SRPK2: variants seen among roughly 807,000 people sequenced by gnomAD.
SRPK2 encodes the protein SRSF protein kinase 2, also known as SFRS protein kinase 2.
A neutral mutation model predicts 90.8 loss-of-function variants in SRPK2; 21 were observed. The observed-to-expected ratio is 0.23, with a 90% CI of 0.16 to 0.33. SRPK2 has a LOEUF of 0.33. Among genes scored for constraint, SRPK2 ranks in the 10% least tolerant of loss-of-function variants. SRPK2 has a pLI of 1.00. For missense variants in SRPK2, 620 were observed against 869.0 expected (o/e 0.71, Z 3.60); for synonymous variants, 288 against 311.1 (o/e 0.93, Z 0.78).
intron 2 of SRPK2, among the ~76,000 whole-genome samples, chr7:105,332,158 AC>A (rs1164469167): frequency 2.0e-5 from 3 of 152,202 alleles, no homozygotes; most frequent in Non-Finnish European, 2.9e-5. Flanking sequence ...AGCTTCCCAC[AC>A]AACAAATCAT....
At chr7:105,283,581 G>A (rs936257386) in intron 2 of SRPK2, among the ~76,000 whole-genome samples, 1 of 152,008 alleles carries the variant, frequency 6.6e-6, no homozygotes, top group Non-Finnish European at 1.5e-5. Flanking sequence ...CATCAACACA[G>A]AAAGTAGATT....
chr7:105,283,837 A>C (rs76327982), intron 2 of SRPK2, among the ~76,000 whole-genome samples: 2 of 148,332 alleles, frequency 1.3e-5, no homozygotes, highest in Non-Finnish European at 3.0e-5. Flanking sequence ...CAAAAAATAC[A>C]AAAAAAAAAC....
In SRPK2 at chr7:105,169,124, G is replaced by A. The variant is rs117900723; in HGVS notation, c.338+33C>T. The A allele has an allele frequency of 2.9e-3, 4,571 of 1,579,744 alleles. 131 individuals carry two copies. In the East Asian group the frequency reaches 0.062, roughly 21 times the overall value. ...GAACACAGATGTTGAACTACTCCAG[G>A]AAACAAATGCACAAATGACAAAGAA... is the stretch of plus-strand genomic sequence containing the variant. On this transcript the variant is annotated intron_variant, in intron 4 of 15. Coordinates refer to ENST00000393651, the MANE Select transcript of SRPK2 (RefSeq NM_182692.3).
intron 8 of SRPK2, among the ~76,000 whole-genome samples, chr7:105,146,113 C>T (rs1475710357): frequency 1.3e-5 from 2 of 152,120 alleles, no homozygotes; most frequent in African/African-American, 4.8e-5. Context: ...CATAGCTATG[C>T]TAAATGGACA....
chr7:105,375,554 G>A (rs974302889), intron 2 of SRPK2, among the ~76,000 whole-genome samples: 3 of 152,082 alleles, frequency 2.0e-5, no homozygotes, highest in Admixed American at 1.3e-4. Context: ...AAATCACAGC[G>A]ATCAAGGTAA....
In SRPK2 at chr7:105,228,260, T is replaced by C. The variant is rs566841793; in HGVS notation, c.72-24475A>G. On this transcript the variant is annotated intron_variant, in intron 2 of 15. Transcript: ENST00000393651. ...AATCTCAGTATACCTGGGAAATTAA[T>C]GGGCTGTCACTAGAATAGTACAGTG... Among the ~76,000 whole-genome samples the C allele has an allele frequency of 2.6e-5, 4 of 152,328 alleles. No individual in the cohort carries two copies. The East Asian group carries it at 5.8e-4, about 22-fold the overall frequency.
chr7:105,271,429 CAGA>C (rs1160462909), intron 2 of SRPK2, among the ~76,000 whole-genome samples: 1 of 152,178 alleles, frequency 6.6e-6, no homozygotes, highest in Non-Finnish European at 1.5e-5. Context: ...TTCATCGCTC[CAGA>C]AGGACTCAGA....
At chr7:105,124,407 G>A (rs1800828790) in intron 15 of SRPK2, among the ~76,000 whole-genome samples, 3 of 151,960 alleles carry the variant, frequency 2.0e-5, no homozygotes, top group Admixed American at 6.5e-5. Context: ...TTGGGAGGCC[G>A]AGGTGGGTGG....
At chr7:105,364,342 GTCTC>G (rs955854629) in intron 2 of SRPK2, among the ~76,000 whole-genome samples, 2 of 151,188 alleles carry the variant, frequency 1.3e-5, no homozygotes, top group African/African-American at 2.4e-5. Context: ...ATTCATGATG[GTCTC>G]TCTATTGAGT....
chr7:105,324,784 A>C (rs1813373705), intron 2 of SRPK2, among the ~76,000 whole-genome samples: 1 of 152,150 alleles, frequency 6.6e-6, no homozygotes, highest in African/African-American at 2.4e-5. Flanking sequence ...CTTCTTGGGA[A>C]GCTGAGGCAG....
chr7:105,136,678 CA>C (rs1209906742), intron 11 of SRPK2, among the ~76,000 whole-genome samples: 1 of 152,192 alleles, frequency 6.6e-6, no homozygotes, highest in Non-Finnish European at 1.5e-5. Flanking sequence ...GTCACACGCA[CA>C]TAACACATGG....
chr7:105,324,078 C>G (rs937786789), intron 2 of SRPK2, among the ~76,000 whole-genome samples: 1 of 150,858 alleles, frequency 6.6e-6, no homozygotes, highest in Non-Finnish European at 1.5e-5. Context: ...CTTACTGCAA[C>G]CTCCACCTCC....
At chr7:105,174,512 A>C (rs1414320639) in intron 3 of SRPK2, among the ~76,000 whole-genome samples, 3 of 152,132 alleles carry the variant, frequency 2.0e-5, no homozygotes, top group African/African-American at 7.2e-5. Flanking sequence ...AACCACTGAA[A>C]ACTTTCAAAG....
At chr7:105,229,301 A>C (rs1389277492) in intron 2 of SRPK2, among the ~76,000 whole-genome samples, 4 of 152,080 alleles carry the variant, frequency 2.6e-5, no homozygotes, top group African/African-American at 7.2e-5. Flanking sequence ...ATCTCTAATA[A>C]AAATACAAAA....
At chr7:105,210,054 G>A (rs1796669659) in intron 2 of SRPK2, among the ~76,000 whole-genome samples, 1 of 152,146 alleles carries the variant, frequency 6.6e-6, no homozygotes, top group African/African-American at 2.4e-5. Flanking sequence ...GAAACTACAA[G>A]TCTCATCTGC....
chr7:105,288,762 A>G lies in SRPK2; in HGVS notation c.72-84977T>C, dbSNP rs145933436. On this transcript the variant is annotated intron_variant, in intron 2 of 15. Transcript: ENST00000393651. ...AATATAGGATAAAAACTCCAAGTCT[A>G]TAAGTAGAGCCATCCTCCCAGATGC... 1.2e-4 allele frequency among the ~76,000 whole-genome samples: 19 copies of G among 152,268 alleles called. No homozygotes were observed. The East Asian group carries it at 1.4e-3, about 11-fold the overall frequency.
intron 2 of SRPK2, among the ~76,000 whole-genome samples, chr7:105,260,584 C>G (rs563481471): frequency 3.9e-5 from 6 of 152,204 alleles, no homozygotes; most frequent in African/African-American, 1.2e-4. Context: ...ACATGCACAC[C>G]TATGTTTATT....
intron 13 of SRPK2, among the ~76,000 whole-genome samples, chr7:105,130,446 A>G (rs1182698089): frequency 6.6e-6 from 1 of 152,098 alleles, no homozygotes. Flanking sequence ...GCTACACCAG[A>G]GGCTGAGGTG....
At chr7:105,291,468 C>G (rs956018416) in intron 2 of SRPK2, among the ~76,000 whole-genome samples, 2 of 152,134 alleles carry the variant, frequency 1.3e-5, no homozygotes, top group African/African-American at 2.4e-5. Context: ...GTGGCTCACA[C>G]CTGTAATCCC....
Sources: gnomAD v4.1 joint callset for allele counts (sites outside exome capture counted in the v4.1 genomes callset) on GRCh38, gnomAD v4.1.1 for gene constraint, MANE v1.5 for transcripts, NCBI Gene and HGNC (gene_info 2026-07-23, HGNC 2026-07-21) for gene names.